The following MSANTD3 variants were observed in gnomAD, a reference collection of about 807,000 sequenced individuals.
MSANTD3 encodes Myb/SANT DNA binding domain containing 3.
MSANTD3 carries 11 observed loss-of-function variants against 27.7 expected under a neutral mutation model. The observed-to-expected ratio is 0.40, with a 90% CI of 0.25 to 0.66. The LOEUF (loss-of-function observed/expected upper bound fraction) is 0.66, where lower values mean the gene tolerates loss of function less well. Among genes scored for constraint, MSANTD3 ranks in the 30% least tolerant of loss-of-function variants. The pLI is 0.41. For synonymous variants in MSANTD3, 131 were observed against 127.2 expected (o/e 1.03, Z -0.20); for missense variants, 250 against 336.5 (o/e 0.74, Z 2.01).
intron 1 of MSANTD3, among the ~76,000 whole-genome samples, chr9:100,428,013 C>A (rs995109822): frequency 2.6e-5 from 4 of 152,154 alleles, no homozygotes; most frequent in African/African-American, 9.7e-5. Context: ...TAAATGATAA[C>A]AGCTAAATTT....
At chr9:100,436,016 C>G (rs910977990) in intron 1 of MSANTD3, among the ~76,000 whole-genome samples, 1 of 152,154 alleles carries the variant, frequency 6.6e-6, no homozygotes, top group African/African-American at 2.4e-5. Context: ...CCTTCTTGTT[C>G]TTCTATGGGT....
At chr9:100,436,464 C>T (rs572927089) in intron 1 of MSANTD3, among the ~76,000 whole-genome samples, 11 of 152,294 alleles carry the variant, frequency 7.2e-5, no homozygotes, top group African/African-American at 2.4e-4. Context: ...TACAACCATG[C>T]ATAAGAATGG....
intron 2 of MSANTD3, among the ~76,000 whole-genome samples, chr9:100,449,358 C>G (rs1160614962): frequency 6.6e-6 from 1 of 152,080 alleles, no homozygotes; most frequent in Non-Finnish European, 1.5e-5. Context: ...CATTGTGTAC[C>G]AAACAAAGTA....
intron 2 of MSANTD3, among the ~76,000 whole-genome samples, chr9:100,447,311 T>C (rs1034319950): frequency 2.6e-5 from 4 of 152,184 alleles, no homozygotes; most frequent in Non-Finnish European, 4.4e-5. Context: ...AACTATACCA[T>C]TGAGCCTCTC....
At chr9:100,443,403 A>G (rs141636540) in intron 2 of MSANTD3, among the ~76,000 whole-genome samples, 145 of 152,062 alleles carry the variant, frequency 9.5e-4, no homozygotes, top group African/African-American at 3.3e-3. Context: ...CCATCTCAAA[A>G]AAAAAAAAAA....
Position 100,442,250 on chromosome 9 carries a change from C to A in MSANTD3, c.312C>A (p.His104Gln). The part of the protein sequence containing the change: ...KRSVSPLLST[H>Q]VLGKEKIASM... Reference sequence around the variant, plus strand: ...GCGTCAGCCCTCTCCTGAGTACCCACGTCCTAGGGAAGGAGAAGATCGCCA... The same window carrying A: ...GCGTCAGCCCTCTCCTGAGTACCCAAGTCCTAGGGAAGGAGAAGATCGCCA... The change falls in exon 2 of 3, where the codon CAC (histidine) becomes CAA (glutamine). Residue 104 changes from histidine (H) to glutamine (Q), a missense_variant. Physicochemically the swap from His to Gln is conservative, Grantham distance 24. Coordinates refer to ENST00000395067, the MANE Select transcript of MSANTD3 (RefSeq NM_080655.3). 1 of 1,614,144 alleles carries A rather than the reference C, an allele frequency of 6.2e-7. No individual in the cohort carries two copies. The highest frequency in any genetic ancestry group is 8.5e-7 in the Non-Finnish European group (1 of 1,180,026).
intron 2 of MSANTD3, chr9:100,448,478 A>G: frequency 1.0e-5 from 10 of 985,386 alleles, no homozygotes; most frequent in Non-Finnish European, 1.2e-5. Context: ...ACCCTCTCCC[A>G]TTCCTTTGTC....
At chr9:100,442,561 C>G (rs1396193620) in intron 2 of MSANTD3, among the ~76,000 whole-genome samples, 3 of 151,944 alleles carry the variant, frequency 2.0e-5, no homozygotes, top group Non-Finnish European at 4.4e-5. Context: ...AATCCCAGCA[C>G]TTTGGGATGC....
intron 1 of MSANTD3, among the ~76,000 whole-genome samples, chr9:100,430,347 G>T (rs1309034205): frequency 6.7e-6 from 1 of 149,880 alleles, no homozygotes; most frequent in Non-Finnish European, 1.5e-5. Context: ...AAAAAAGAGA[G>T]ATTGAAAATG....
In MSANTD3 at chr9:100,451,034, G is replaced by A. The variant is rs916531286; in HGVS notation, c.*68G>A. On this transcript the variant is annotated 3_prime_UTR_variant, in exon 3 of 3. Coordinates refer to ENST00000395067, the MANE Select transcript of MSANTD3 (RefSeq NM_080655.3). ...AGAATGTCTGGAACATGGACTTGGC[G>A]GTCAGTAACCTGTAACAGAGCTACA... The A allele has an allele frequency of 1.1e-5, 16 of 1,470,060 alleles. No individual in the cohort carries two copies. Among genetic ancestry groups the A allele is most frequent in the Admixed American group, 9.2e-5 (4 of 43,528 alleles). 91.1% of individuals were successfully genotyped at this position (1,470,060 alleles called of 1,614,324 possible).
chr9:100,438,490 A>G (rs149905444), intron 1 of MSANTD3, among the ~76,000 whole-genome samples: 3 of 152,340 alleles, frequency 2.0e-5, no homozygotes, highest in African/African-American at 7.2e-5. Flanking sequence ...ACATATAACA[A>G]CAAAATGGGG....
intron 2 of MSANTD3, among the ~76,000 whole-genome samples, chr9:100,447,931 C>T (rs569747740): frequency 2.6e-5 from 4 of 152,186 alleles, no homozygotes; most frequent in Non-Finnish European, 5.9e-5. Flanking sequence ...TGGCTCATGC[C>T]TGTAATCCCA....
intron 1 of MSANTD3, among the ~76,000 whole-genome samples, chr9:100,439,920 G>A (rs757130577): frequency 5.9e-5 from 9 of 152,104 alleles, no homozygotes; most frequent in Non-Finnish European, 1.3e-4. Context: ...CTTGGAGAAT[G>A]TAAGAAGGAC....
At position 100,435,007 on chromosome 9, in the gene MSANTD3, T is replaced by A. The variant is rs114878549; in HGVS notation, c.-33-6899T>A. On this transcript the variant is annotated intron_variant, in intron 1 of 2. Coordinates refer to ENST00000395067, the MANE Select transcript of MSANTD3 (RefSeq NM_080655.3). ...CACACACACGTGCGCACACACACAG[T>A]ATTATTCTACTTTTGGAAGCAGTTT... is the stretch of plus-strand genomic sequence containing the variant. Among the ~76,000 whole-genome samples, 1,025 of 152,272 alleles carry A rather than the reference T, an allele frequency of 6.7e-3. 7 individuals carry two copies. Among genetic ancestry groups the A allele is most frequent in the African/African-American group, 0.024 (993 of 41,556 alleles).
At chr9:100,449,269 C>T in intron 2 of MSANTD3, 2 of 984,790 alleles carry the variant, frequency 2.0e-6, no homozygotes, top group South Asian at 4.7e-5. Flanking sequence ...TAGCACCTAC[C>T]AAACGTGGTA....
At chr9:100,429,983 G>A (rs1465518950) in intron 1 of MSANTD3, among the ~76,000 whole-genome samples, 2 of 151,776 alleles carry the variant, frequency 1.3e-5, no homozygotes, top group Non-Finnish European at 2.9e-5. Context: ...GATTATAGGC[G>A]TGAGCCACCG....
At chr9:100,444,871 G>T (rs1564251204) in intron 2 of MSANTD3, 1 of 233,912 alleles carries the variant, frequency 4.3e-6, no homozygotes, top group Non-Finnish European at 8.2e-6. Context: ...CATTCTCAGT[G>T]TTTTTCTTAT....
At position 100,442,324 on chromosome 9, in the gene MSANTD3, A is replaced by G; in HGVS notation, c.386A>G (p.Glu129Gly). ...LYFLQSPPEE[E>G]PEYHPDASAQ... Reference sequence around the variant, plus strand: ...TTCCTGCAGAGCCCCCCGGAGGAGGAGCCCGAATACCACCCCGACGCCTCA... The same window carrying G: ...TTCCTGCAGAGCCCCCCGGAGGAGGGGCCCGAATACCACCCCGACGCCTCA... Residue 129 changes from glutamate (E) to glycine (G), a missense_variant, in exon 2 of 3, where the codon GAG becomes GGG. This residue lies in a region of MSANTD3 where 235 missense variants were observed against 299.3 expected (regional missense o/e 0.79). Transcript: ENST00000395067. 1 of 1,613,546 alleles carries G rather than the reference A, an allele frequency of 6.2e-7. No individual in the cohort carries two copies. Among genetic ancestry groups the G allele is most frequent in the Non-Finnish European group, 8.5e-7 (1 of 1,179,918 alleles).
chr9:100,441,219 C>T (rs927436975), intron 1 of MSANTD3, among the ~76,000 whole-genome samples: 8 of 152,042 alleles, frequency 5.3e-5, no homozygotes, highest in African/African-American at 1.4e-4. Context: ...TTTGAGTACA[C>T]GGTGGCTTCT....
Sources: gnomAD v4.1 joint callset for allele counts (sites outside exome capture counted in the v4.1 genomes callset) on GRCh38, gnomAD v4.1.1 for gene constraint, gnomAD v4.1.1 regional missense constraint, MANE v1.5 for transcripts, NCBI Gene and HGNC (gene_info 2026-07-23, HGNC 2026-07-21) for gene names.